CIITA: variants seen among roughly 807,000 people sequenced by gnomAD.
CIITA encodes the protein class II major histocompatibility complex transactivator, also known as MHC class II transactivator.
In CIITA, 72 loss-of-function variants were observed where a neutral mutation model predicts 115.1. That is an observed-to-expected ratio of 0.63 (90% CI 0.52 to 0.76). The LOEUF (loss-of-function observed/expected upper bound fraction) is 0.76, where lower values mean the gene tolerates loss of function less well. Ranked by LOEUF, CIITA falls within the 30% of genes least tolerant of loss-of-function variation. CIITA has a pLI of 0.00. For missense variants in CIITA, 1,617 were observed against 1,463.8 expected (o/e 1.10, Z -1.71); for synonymous variants, 763 against 635.6 (o/e 1.20, Z -3.02).
intron 7 of CIITA, among the ~76,000 whole-genome samples, 183 bp from the exon 8 acceptor site, chr16:10,902,475 C>T (rs6498125): frequency 6.6e-6 from 1 of 152,170 alleles, no homozygotes; most frequent in South Asian, 2.1e-4. Context: ...CATGGAGCCC[C>T]TTCTCTGTGC....
In CIITA at chr16:10,941,676, G is replaced by T; in HGVS notation, n.802G>T. On this transcript the variant is annotated non_coding_transcript_exon_variant, in exon 2 of 2. Coordinates refer to the CIITA transcript ENST00000573379. This position sits in a 1 kb window ranked among gnomAD's most constrained non-coding sequence, Gnocchi z 6.4. ...TCTGGGCGGCTGGTCCAGGGCATGG[G>T]TTGCGGATCGTGTAGGGAAGAGGGG... 1 of 1,566,686 alleles carries T rather than the reference G, an allele frequency of 6.4e-7. No individual in the cohort carries two copies. Among genetic ancestry groups the T allele is most frequent in the Non-Finnish European group, 8.7e-7 (1 of 1,153,668 alleles).
rs746716758 is a variant in CIITA, at chr16:10,926,406, C to G, written c.*2551C>G. 1.3e-5 allele frequency: 2 copies of G among 152,258 alleles called. No individual in the cohort carries two copies. Among genetic ancestry groups the G allele is most frequent in the African/African-American group, 2.4e-5 (1 of 41,456 alleles). The allele number at this position is 152,258 out of a possible 1,614,324, so 9.4% of individuals were successfully genotyped here. A position where few individuals can be genotyped will look rare whatever the true frequency, so the allele number is the denominator to read the frequency against. On this transcript the variant is annotated 3_prime_UTR_variant, in exon 20 of 20. Transcript: ENST00000324288. The stretch of plus-strand genomic sequence containing the variant: ...CTACAGGAGTGAGCACTAAGGTGTG[C>G]TCTGATCATCCACTGTGCCATGTGC...
At chr16:10,905,704 G>A (rs576584530) in intron 10 of CIITA, among the ~76,000 whole-genome samples, 4 of 152,146 alleles carry the variant, frequency 2.6e-5, no homozygotes, top group Non-Finnish European at 5.9e-5. Context: ...GGAGGTTGCC[G>A]TGAGCTGAGA....
At chr16:10,919,938 A>T (rs566483317) in intron 16 of CIITA, among the ~76,000 whole-genome samples, 62 of 152,304 alleles carry the variant, frequency 4.1e-4, no homozygotes, top group Non-Finnish European at 3.8e-4. Flanking sequence ...AGGGTACAGG[A>T]CTTCTGGGGA....
In CIITA at chr16:10,920,009, G is replaced by A. The variant is rs867527133; in HGVS notation, c.3149+1483G>A. Among the ~76,000 whole-genome samples, 2 of 152,160 alleles carry A rather than the reference G, an allele frequency of 1.3e-5. No individual in the cohort carries two copies. The highest frequency in any genetic ancestry group is 1.5e-5 in the Non-Finnish European group (1 of 68,012). ...ACTCTAGGAAGAAAGAACAGCAGGTGCAAAGGCCCTAAGTGGGAAAAGGGG... is the reference window on the plus strand; with the variant it reads ...ACTCTAGGAAGAAAGAACAGCAGGTACAAAGGCCCTAAGTGGGAAAAGGGG... On this transcript the variant is annotated intron_variant, in intron 16 of 19. Coordinates refer to ENST00000324288, the MANE Select transcript of CIITA (RefSeq NM_000246.4). The surrounding 1 kb of genome is among the most constrained non-coding windows in gnomAD (Gnocchi z 4.5).
In CIITA at chr16:10,907,634, A is replaced by G. The variant is rs188988714; in HGVS notation, c.2142A>G (p.Gln714=). 12 of 1,614,186 alleles carry G rather than the reference A, an allele frequency of 7.4e-6. No homozygotes were observed. Among genetic ancestry groups the G allele is most frequent in the Middle Eastern group, 1.6e-4 (1 of 6,062 alleles). Residue 714 remains glutamine (Q), a synonymous_variant, in exon 11 of 20, where the codon CAA becomes CAG. Coordinates refer to ENST00000324288, the MANE Select transcript of CIITA (RefSeq NM_000246.4). This position sits in a 1 kb window ranked among gnomAD's most constrained non-coding sequence, Gnocchi z 5.0. ...SELAFPSFLL[Q]CFLGALWLAL... ...TGGCCTTCCCCAGCTTCCTCCTGCA[A>G]TGCTTCCTGGGGGCCCTGTGGCTGG...
At chr16:10,910,772 C>T (rs1167397255) in intron 13 of CIITA, among the ~76,000 whole-genome samples, 2 of 152,234 alleles carry the variant, frequency 1.3e-5, no homozygotes, top group African/African-American at 4.8e-5. Flanking sequence ...CCTTTTCCCT[C>T]CTGTGGCCAG....
chr16:10,905,002 C>T lies in CIITA; in HGVS notation c.1006+190C>T, dbSNP rs546468569. ...ATTTCACCATTCACTCCACCACTCC[C>T]TCAAATAATATTTATTGCCCTTCAA... On this transcript the variant is annotated intron_variant, in intron 10 of 19. Transcript: ENST00000324288. 2.6e-5 allele frequency among the ~76,000 whole-genome samples: 4 copies of T among 152,288 alleles called. No individual in the cohort carries two copies. In the East Asian group the frequency reaches 7.7e-4, roughly 29 times the overall value.
At chr16:10,876,557 A>G (rs2035857976), upstream of CIITA, among the ~76,000 whole-genome samples, 1 of 152,208 alleles carries the variant, frequency 6.6e-6, no homozygotes, top group Non-Finnish European at 1.5e-5. Flanking sequence ...CACCAGGAGG[A>G]TGGGCAGAGA....
In CIITA at chr16:10,909,079, G is replaced by A. The variant is rs1181384435; in HGVS notation, c.2708G>A (p.Gly903Glu). The A allele has an allele frequency of 1.2e-6, 2 of 1,614,046 alleles. No homozygotes were observed. The highest frequency in any genetic ancestry group is 3.3e-5 in the Admixed American group (2 of 60,000). Residue 903 changes from glycine (G) to glutamate (E), a missense_variant, in exon 12 of 20, where the codon GGG (glycine) becomes GAG (glutamate). Gly to Glu is a moderately conservative substitution (Grantham distance 98, BLOSUM62 -2). Coordinates refer to ENST00000324288, the MANE Select transcript of CIITA (RefSeq NM_000246.4). ...VALWESLQQH[G>E]ETKLLQAAEE... The stretch of plus-strand genomic sequence containing the variant: ...CTGTGGGAGTCCCTGCAGCAGCATG[G>A]GGAGACCAAGCTACTTCAGGCAGCA...
Position 10,906,633 on chromosome 16 carries a change from G to A in CIITA, c.1141G>A (p.Glu381Lys). The change falls in exon 11 of 20, where the codon GAA (glutamate) becomes AAA (lysine). Residue 381 changes from glutamate to lysine, a missense_variant. Physicochemically the swap from Glu to Lys is moderately conservative, Grantham distance 56 (BLOSUM62 1). Transcript: ENST00000324288. ...GAGCAGCAGCAAGAGCCTGGAGCGG[G>A]AACTGGCCACCCCGGACTGGGCAGA... ...ERSSSKSLERELATPDWAERQ... is the reference protein window; with the variant it reads ...ERSSSKSLERKLATPDWAERQ... The A allele has an allele frequency of 1.2e-6, 2 of 1,613,922 alleles. No homozygotes were observed. Among genetic ancestry groups the A allele is most frequent in the East Asian group, 2.2e-5 (1 of 44,888 alleles).
Position 10,942,682 on chromosome 16 carries a change from G to A in CIITA, n.1808G>A, listed in dbSNP as rs1024708337. The stretch of plus-strand genomic sequence containing the variant: ...GAATTCGCTCTGCGTATCGAATAGG[G>A]GGAGGTAAAAGAGACTGAACACAGT... On this transcript the variant is annotated non_coding_transcript_exon_variant, in exon 2 of 2. Coordinates refer to the CIITA transcript ENST00000573379. The surrounding 1 kb of genome is among the most constrained non-coding windows in gnomAD (Gnocchi z 5.0). 1.3e-5 allele frequency: 2 copies of A among 152,308 alleles called. No homozygotes were observed. Among genetic ancestry groups the A allele is most frequent in the African/African-American group, 2.4e-5 (1 of 41,476 alleles). 9.4% of individuals were successfully genotyped at this position (152,308 alleles called of 1,614,324 possible).
At chr16:10,874,279 C>T (rs544948535), upstream of CIITA, among the ~76,000 whole-genome samples, 31 of 152,314 alleles carry the variant, frequency 2.0e-4, no homozygotes, top group Admixed American at 9.2e-4. Context: ...CCACCACGCC[C>T]GGCCTGCAGG....
chr16:10,907,843 G>C lies in CIITA; in HGVS notation c.2351G>C (p.Arg784Thr). 6.2e-7 allele frequency: 1 copy of C among 1,613,250 alleles called. No homozygotes were observed. The highest frequency in any genetic ancestry group is 8.5e-7 in the Non-Finnish European group (1 of 1,179,610). Residue 784 changes from arginine to threonine, a missense_variant, in exon 11 of 20, where the codon AGG becomes ACG. Transcript: ENST00000324288. This position sits in a 1 kb window ranked among gnomAD's most constrained non-coding sequence, Gnocchi z 5.0. ...CCATCGGCGGCTGCCTCGGTGGACA[G>C]GAAGCAGAAGGTGCTTGCGAGGTAC... ...LGPSAAASVD[R>T]KQKVLARYLK...
intron 14 of CIITA, among the ~76,000 whole-genome samples, chr16:10,916,129 C>G (rs2039934125): frequency 6.6e-6 from 1 of 152,206 alleles, no homozygotes; most frequent in Admixed American, 6.5e-5. Flanking sequence ...TCCTAAGAAG[C>G]TAAACAGGGA....
At chr16:10,882,652 C>T (rs1378187484) in intron 1 of CIITA, among the ~76,000 whole-genome samples, 2 of 152,146 alleles carry the variant, frequency 1.3e-5, no homozygotes, top group African/African-American at 4.8e-5. Context: ...AACCCCAGCA[C>T]TTTGGGAGGC....
At chr16:10,876,266 C>T (rs1024240690), upstream of CIITA, among the ~76,000 whole-genome samples, 2 of 152,216 alleles carry the variant, frequency 1.3e-5, no homozygotes, top group South Asian at 2.1e-4. Context: ...CCTCCTGCTT[C>T]GGCCTCCCAA....
At chr16:10,915,129 C>A (rs1184339934) in intron 13 of CIITA, 2 of 437,152 alleles carry the variant, frequency 4.6e-6, no homozygotes, top group Non-Finnish European at 9.1e-6. Context: ...TGGCTCACTG[C>A]ATCCTCCACC....
intron 5 of CIITA, among the ~76,000 whole-genome samples, chr16:10,900,459 G>A (rs546342322): frequency 6.6e-6 from 1 of 151,848 alleles, no homozygotes; most frequent in Non-Finnish European, 1.5e-5. Flanking sequence ...AAAGTTTTCG[G>A]CCAGGCGTGG....
Sources: allele counts gnomAD v4.1 joint callset (sites outside exome capture counted in the v4.1 genomes callset), GRCh38; gene constraint gnomAD v4.1.1; non-coding constraint Gnocchi (gnomAD v3.1); transcripts MANE v1.5; gene names NCBI Gene and HGNC (gene_info 2026-07-23, HGNC 2026-07-21).